The following SBF2 variants were observed in gnomAD, a reference collection of about 807,000 sequenced individuals.
The protein encoded by SBF2 is SET binding factor 2, also known as myotubularin-related protein 13.
In SBF2, 112 loss-of-function variants were observed where a neutral mutation model predicts 225.2. That is an observed-to-expected ratio of 0.50 (90% CI 0.43 to 0.58). The LOEUF is 0.58. Among genes scored for constraint, SBF2 ranks in the 20% least tolerant of loss-of-function variants. The pLI, the probability that SBF2 is intolerant of heterozygous loss-of-function variation, is 0.00. For missense variants in SBF2, 1,996 were observed against 2,206.2 expected (o/e 0.90, Z 1.91); for synonymous variants, 763 against 773.3 (o/e 0.99, Z 0.22).
intron 1 of SBF2, among the ~76,000 whole-genome samples, chr11:10,223,800 T>A (rs1025206463): frequency 6.6e-6 from 1 of 152,096 alleles, no homozygotes; most frequent in African/African-American, 2.4e-5. Context: ...ACTGGAGAGA[T>A]AAACTGTTCA....
chr11:9,877,377 A>G (rs1226550358), intron 17 of SBF2, among the ~76,000 whole-genome samples: 2 of 152,214 alleles, frequency 1.3e-5, no homozygotes, highest in Non-Finnish European at 2.9e-5. Flanking sequence ...ACTAAACATG[A>G]AATCATTAAT....
At chr11:9,880,491 T>C (rs972040888) in intron 17 of SBF2, among the ~76,000 whole-genome samples, 4 of 152,208 alleles carry the variant, frequency 2.6e-5, no homozygotes, top group African/African-American at 9.7e-5. Flanking sequence ...ATTTGCGTTA[T>C]TTGTTTGGCC....
In SBF2 at chr11:9,838,089, G is replaced by A. The variant is rs1758996234; in HGVS notation, c.3455+1409C>T. 2.7e-5 allele frequency: 4 copies of A among 146,658 alleles called. No individual in the cohort carries two copies. The South Asian group carries it at 8.6e-4, about 32-fold the overall frequency. The allele number at this position is 146,658 out of a possible 1,614,324, so 9.1% of individuals were successfully genotyped here. ...AAACCCTGATCTCTTTCTTTGAATT[G>A]GAACATTTAGTCAATTAATAATTAA... On this transcript the variant is annotated intron_variant, in intron 26 of 39. Coordinates refer to ENST00000256190, the MANE Select transcript of SBF2 (RefSeq NM_030962.4).
At position 9,784,393 on chromosome 11, in the gene SBF2, A is replaced by G. The variant is rs774505575; in HGVS notation, c.5277T>C (p.Gly1759=). 21 of 1,614,158 alleles carry G rather than the reference A, an allele frequency of 1.3e-5. No individual in the cohort carries two copies. Among genetic ancestry groups the G allele is most frequent in the Non-Finnish European group, 1.7e-5 (20 of 1,179,982 alleles). ...TLYKRGALLK[G]WKPRWFVLDV... is the part of the protein sequence containing the mutation. ...CCAAAACAAACCAACGGGGCTTCCA[A>G]CCTTTCAGCAAAGCCCCTCTTTTAT... The change falls in exon 38 of 40, where the codon GGT becomes GGC. Residue 1759 remains glycine, a synonymous_variant. Coordinates refer to ENST00000256190, the MANE Select transcript of SBF2 (RefSeq NM_030962.4).
At chr11:10,244,237 C>CT (rs1437603325) in intron 1 of SBF2, among the ~76,000 whole-genome samples, 3 of 151,900 alleles carry the variant, frequency 2.0e-5, no homozygotes, top group Non-Finnish European at 4.4e-5. Context: ...CTTATATTTT[C>CT]TTCTATGAGT....
chr11:10,235,033 A>G (rs1959007989), intron 1 of SBF2, among the ~76,000 whole-genome samples: 1 of 152,194 alleles, frequency 6.6e-6, no homozygotes. Flanking sequence ...AAGGAAGGAG[A>G]AACAGGTGTG....
At chr11:10,011,883 G>A (rs1392362383) in intron 6 of SBF2, among the ~76,000 whole-genome samples, 1 of 152,096 alleles carries the variant, frequency 6.6e-6, no homozygotes, top group Non-Finnish European at 1.5e-5. Flanking sequence ...ACAGGTTAAT[G>A]ATTTCAACAA....
chr11:9,842,595 A>G (rs749375108), intron 25 of SBF2, 30 bp downstream of exon 25: 2 of 1,610,248 alleles, frequency 1.2e-6, no homozygotes, highest in Non-Finnish European at 8.5e-7. Flanking sequence ...ATAAAGTTGA[A>G]TAATGAAGGA....
intron 1 of SBF2, among the ~76,000 whole-genome samples, chr11:10,251,682 T>C (rs1465712102): frequency 6.6e-6 from 1 of 152,202 alleles, no homozygotes; most frequent in Non-Finnish European, 1.5e-5. Flanking sequence ...GTCATGATAA[T>C]AGTCTCCCTG....
intron 1 of SBF2, among the ~76,000 whole-genome samples, chr11:10,256,551 T>C (rs1175850320): frequency 6.6e-6 from 1 of 152,242 alleles, no homozygotes; most frequent in Non-Finnish European, 1.5e-5. Flanking sequence ...ATACAAGCCC[T>C]TGAAGCCGCA....
At chr11:10,280,688 TTACAA>T in intron 1 of SBF2, among the ~76,000 whole-genome samples, 1 of 152,220 alleles carries the variant, frequency 6.6e-6, no homozygotes, top group East Asian at 1.9e-4. Context: ...GCAATATGGT[TTACAA>T]TACAACATTC....
intron 16 of SBF2, among the ~76,000 whole-genome samples, chr11:9,907,830 T>C (rs1049281165): frequency 1.9e-4 from 29 of 152,254 alleles, no homozygotes; most frequent in Non-Finnish European, 3.7e-4. Context: ...TTACAGATAT[T>C]ATTTCATTTA....
At chr11:9,981,559 T>C (rs1946960187) in intron 13 of SBF2, among the ~76,000 whole-genome samples, 1 of 152,220 alleles carries the variant, frequency 6.6e-6, no homozygotes, top group African/African-American at 2.4e-5. Flanking sequence ...ATAACCACCA[T>C]CTTATTAGTA....
At chr11:10,247,715 A>G (rs1959948787) in intron 1 of SBF2, among the ~76,000 whole-genome samples, 1 of 152,088 alleles carries the variant, frequency 6.6e-6, no homozygotes, top group African/African-American at 2.4e-5. Context: ...AATGAATAAA[A>G]TAAAATAACA....
intron 2 of SBF2, among the ~76,000 whole-genome samples, chr11:10,127,723 G>A (rs1027924102): frequency 6.6e-6 from 1 of 152,100 alleles, no homozygotes; most frequent in African/African-American, 2.4e-5. Flanking sequence ...CACCTTAAGA[G>A]ATAGGGATTT....
intron 2 of SBF2, among the ~76,000 whole-genome samples, chr11:10,176,560 C>T (rs1288681314): frequency 6.6e-6 from 1 of 152,066 alleles, no homozygotes; most frequent in African/African-American, 2.4e-5. Context: ...ATACTACAAA[C>T]ACCTCTATGC....
At chr11:10,193,594 C>T (rs1446995949) in intron 2 of SBF2, among the ~76,000 whole-genome samples, 2 of 151,970 alleles carry the variant, frequency 1.3e-5, no homozygotes, top group Non-Finnish European at 2.9e-5. Flanking sequence ...CCTCGTAATC[C>T]GCCCGCCTTG....
intron 4 of SBF2, among the ~76,000 whole-genome samples, chr11:10,030,813 G>A (rs1565152845): frequency 6.6e-6 from 1 of 151,986 alleles, no homozygotes; most frequent in Non-Finnish European, 1.5e-5. Flanking sequence ...ATAAATGTGG[G>A]ACCTATTTTA....
chr11:10,196,347 C>G (rs993640630), intron 1 of SBF2, among the ~76,000 whole-genome samples: 4 of 152,100 alleles, frequency 2.6e-5, no homozygotes, highest in African/African-American at 9.7e-5. Flanking sequence ...TTCTGAAAGC[C>G]ATACTAATGT....
Sources: allele counts gnomAD v4.1 joint callset (sites outside exome capture counted in the v4.1 genomes callset), GRCh38; gene constraint gnomAD v4.1.1; transcripts MANE v1.5; gene names NCBI Gene and HGNC (gene_info 2026-07-23, HGNC 2026-07-21).